The following UMAD1 variants were observed in gnomAD, a reference collection of about 807,000 sequenced individuals.
UMAD1 encodes UBAP1-MVB12-associated (UMA)-domain containing protein 1.
UMAD1 carries 8 observed loss-of-function variants against 6.1 expected under a neutral mutation model. The ratio of observed to expected loss-of-function variants is 1.30; its 90% CI spans 0.76 to 2.35. The LOEUF (loss-of-function observed/expected upper bound fraction) is 2.35, where lower values mean the gene tolerates loss of function less well. UMAD1 is among the 30% of genes most tolerant of loss of function. The pLI is 0.00. For synonymous variants in UMAD1, 56 were observed against 31.4 expected, an observed-to-expected ratio of 1.78 and a Z score of -2.61; for missense variants, 130 against 78.4, an observed-to-expected ratio of 1.66 and a Z score of -2.49.
At chr7:7,682,833 C>T (rs1779946284) in intron 2 of UMAD1, among the ~76,000 whole-genome samples, 1 of 152,148 alleles carries the variant, frequency 6.6e-6, no homozygotes, top group African/African-American at 2.4e-5. Context: ...GCAAGTATGC[C>T]AGGATTTTTC....
chr7:7,690,439 C>T (rs2115135769), intron 2 of UMAD1, among the ~76,000 whole-genome samples: 1 of 152,080 alleles, frequency 6.6e-6, no homozygotes, highest in East Asian at 1.9e-4. Flanking sequence ...CCCAGTATGT[C>T]AGATGTGAAA....
At chr7:7,672,229 A>G (rs1449437170) in intron 1 of UMAD1, among the ~76,000 whole-genome samples, 2 of 152,172 alleles carry the variant, frequency 1.3e-5, no homozygotes, top group African/African-American at 4.8e-5. Context: ...CTTGTAAGGA[A>G]CTGTCCTCAG....
chr7:7,783,331 C>T (rs1355191401), intron 2 of UMAD1, among the ~76,000 whole-genome samples: 9 of 151,868 alleles, frequency 5.9e-5, no homozygotes, highest in African/African-American at 2.2e-4. Context: ...AATTATTTCT[C>T]ATGACTGTAG....
At chr7:7,872,235 A>C (rs779271059) in intron 3 of UMAD1, among the ~76,000 whole-genome samples, 10 of 152,198 alleles carry the variant, frequency 6.6e-5, no homozygotes, top group Non-Finnish European at 1.5e-4. Flanking sequence ...GAGCCACATA[A>C]ATTTTTTTGT....
intron 2 of UMAD1, among the ~76,000 whole-genome samples, chr7:7,681,177 AC>A (rs1779902811): frequency 6.6e-6 from 1 of 152,140 alleles, no homozygotes; most frequent in South Asian, 2.1e-4. Flanking sequence ...GGCCTTTATA[AC>A]CCATTTCTAG....
At chr7:7,672,595 C>T (rs889480421) in intron 1 of UMAD1, among the ~76,000 whole-genome samples, 16 of 152,144 alleles carry the variant, frequency 1.1e-4, no homozygotes, top group African/African-American at 3.1e-4. Context: ...ATGTTGTTCT[C>T]GTGATAGTGA....
chr7:7,677,173 G>T (rs1325883341), intron 2 of UMAD1, among the ~76,000 whole-genome samples: 1 of 151,956 alleles, frequency 6.6e-6, no homozygotes, highest in African/African-American at 2.4e-5. Flanking sequence ...TTTGACACAG[G>T]CATATAATGT....
At chr7:7,829,655 A>G (rs1783422899) in intron 3 of UMAD1, among the ~76,000 whole-genome samples, 1 of 152,220 alleles carries the variant, frequency 6.6e-6, no homozygotes, top group Non-Finnish European at 1.5e-5. Flanking sequence ...ATATTCTGAC[A>G]TGATTTTAAA....
At chr7:7,756,688 T>TC in intron 2 of UMAD1, among the ~76,000 whole-genome samples, 1 of 152,232 alleles carries the variant, frequency 6.6e-6, no homozygotes. Context: ...GTTAAGTTTC[T>TC]CAATCTGTTT....
Position 7,726,668 on chromosome 7 carries a change from C to T in UMAD1, c.82+53215C>T, listed in dbSNP as rs139413515. ...TTTGCTTCCTTTTCCTGTGACATTA[C>T]GTTCTGCTGGCCTAGAGCTGTTAGT... is the stretch of plus-strand genomic sequence containing the variant. On this transcript the variant is annotated intron_variant, in intron 2 of 3. Coordinates refer to ENST00000682710, the MANE Select transcript of UMAD1 (RefSeq NM_001302348.2). 2.5e-3 allele frequency among the ~76,000 whole-genome samples: 374 copies of T among 152,278 alleles called. 2 individuals carry two copies. Among genetic ancestry groups the T allele is most frequent in the African/African-American group, 7.4e-3 (306 of 41,548 alleles).
chr7:7,836,735 G>T (rs1783579624), intron 3 of UMAD1, among the ~76,000 whole-genome samples: 1 of 151,910 alleles, frequency 6.6e-6, no homozygotes. Context: ...ATAGGTTAAA[G>T]AGTATATTAG....
chr7:7,801,588 A>T (rs1178615642), intron 2 of UMAD1, 82 bp from the exon 3 acceptor site: 1 of 662,320 alleles, frequency 1.5e-6, no homozygotes, highest in African/African-American at 1.8e-5. Flanking sequence ...TAATAACAAA[A>T]GATACTTCAA....
intron 3 of UMAD1, among the ~76,000 whole-genome samples, chr7:7,827,886 A>G (rs1783378195): frequency 6.6e-6 from 1 of 152,180 alleles, no homozygotes; most frequent in Non-Finnish European, 1.5e-5. Context: ...AAATATATAA[A>G]TATGTTTAAC....
At chr7:7,809,505 G>A (rs762619191) in intron 3 of UMAD1, among the ~76,000 whole-genome samples, 32 of 152,120 alleles carry the variant, frequency 2.1e-4, no homozygotes, top group South Asian at 1.5e-3. Flanking sequence ...ATTAAATCAG[G>A]CTAATTAACA....
intron 2 of UMAD1, among the ~76,000 whole-genome samples, chr7:7,774,508 A>G (rs1782162293): frequency 6.6e-6 from 1 of 152,218 alleles, no homozygotes; most frequent in South Asian, 2.1e-4. Context: ...TCAAAAAAGA[A>G]AGAGAGAGAG....
chr7:7,716,742 G>A (rs1322370901), intron 2 of UMAD1, among the ~76,000 whole-genome samples: 1 of 152,178 alleles, frequency 6.6e-6, no homozygotes, highest in Non-Finnish European at 1.5e-5. Context: ...TCAGGAGATC[G>A]AGACCATCCT....
At chr7:7,727,967 T>TTATA (rs145454946) in intron 2 of UMAD1, among the ~76,000 whole-genome samples, 1,968 of 151,880 alleles carry the variant, frequency 0.013, 32 homozygotes, top group African/African-American at 0.036. Flanking sequence ...AATAAACTCT[T>TTATA]TATATATATA....
intron 2 of UMAD1, among the ~76,000 whole-genome samples, chr7:7,680,225 G>A (rs868217831): frequency 2.6e-5 from 4 of 152,032 alleles, no homozygotes; most frequent in South Asian, 2.1e-4. Context: ...TGTATGTGGC[G>A]AGAGATAGGG....
chr7:7,731,067 C>T (rs1427203515), intron 2 of UMAD1, among the ~76,000 whole-genome samples: 2 of 152,166 alleles, frequency 1.3e-5, no homozygotes, highest in African/African-American at 2.4e-5. Flanking sequence ...GCACCAATCT[C>T]GGCTCATTGC....
Sources: allele counts gnomAD v4.1 joint callset (sites outside exome capture counted in the v4.1 genomes callset), GRCh38; gene constraint gnomAD v4.1.1; transcripts MANE v1.5; gene names NCBI Gene and HGNC (gene_info 2026-07-23, HGNC 2026-07-21).